CSMD3: variants seen among roughly 807,000 people sequenced by gnomAD.
The protein encoded by CSMD3 is CUB and sushi domain-containing protein 3.
Under a neutral mutation model 435.2 loss-of-function variants are expected in CSMD3, and 177 were observed. That is an observed-to-expected ratio of 0.41 (90% confidence interval 0.36 to 0.46). The LOEUF is 0.46. Ranked by LOEUF, CSMD3 falls within the 20% of genes least tolerant of loss-of-function variation. CSMD3 has a pLI of 0.34. For synonymous variants in CSMD3, 1,656 were observed against 1,520.5 expected (o/e 1.09, Z -2.07); for missense variants, 4,265 against 4,504.6 (o/e 0.95, Z 1.52).
rs76030401 is a variant in CSMD3 at position 112,273,935 on chromosome 8, C to CAA, written c.9508+7237_9508+7238dup. Among the ~76,000 whole-genome samples the CAA allele has an allele frequency of 6.0e-3, 473 of 79,304 alleles. 1 individual carries two copies. The highest frequency in any genetic ancestry group is 8.1e-3 in the African/African-American group (168 of 20,812). 52.0% of individuals were successfully genotyped at this position (79,304 alleles called of 152,430 possible). ...ACAGTTTAGTGGTATAGGTAACATA[C>CAA]AAAAAAAAAAAAAAAGCTATACAGT... On this transcript the variant is annotated intron_variant, in intron 59 of 70. Coordinates refer to ENST00000297405, the MANE Select transcript of CSMD3 (RefSeq NM_198123.2).
chr8:113,009,146 G>A (rs1011118836), intron 6 of CSMD3, among the ~76,000 whole-genome samples: 1 of 151,688 alleles, frequency 6.6e-6, no homozygotes, highest in African/African-American at 2.4e-5. Flanking sequence ...GCTCTGCAAA[G>A]GAGTCTAGAA....
intron 27 of CSMD3, among the ~76,000 whole-genome samples, chr8:112,548,078 T>C (rs1827344269): frequency 6.6e-6 from 1 of 152,280 alleles, no homozygotes; most frequent in East Asian, 1.9e-4. Flanking sequence ...TTCTCTTTAA[T>C]ACCACTTGTA....
intron 1 of CSMD3, among the ~76,000 whole-genome samples, chr8:113,360,206 T>C (rs1019272448): frequency 2.6e-5 from 4 of 152,282 alleles, no homozygotes; most frequent in Admixed American, 2.0e-4. Context: ...TCAAAACTCA[T>C]AGAGGCAGTC....
intron 61 of CSMD3, among the ~76,000 whole-genome samples, chr8:112,258,610 T>C (rs1816041088): frequency 6.6e-6 from 1 of 152,128 alleles, no homozygotes; most frequent in Non-Finnish European, 1.5e-5. Context: ...TGGTGATCAT[T>C]AAAAAGTCAG....
chr8:112,509,499 T>G (rs1822875802), intron 28 of CSMD3, among the ~76,000 whole-genome samples: 1 of 152,190 alleles, frequency 6.6e-6, no homozygotes, highest in Admixed American at 6.5e-5. Flanking sequence ...TAGCTTATAC[T>G]TAAGTGACTT....
At chr8:112,891,201 A>T (rs2081778365) in intron 10 of CSMD3, among the ~76,000 whole-genome samples, 1 of 151,518 alleles carries the variant, frequency 6.6e-6, no homozygotes, top group Admixed American at 6.6e-5. Flanking sequence ...CAGTTGTCGC[A>T]TCACCTGGAA....
intron 5 of CSMD3, among the ~76,000 whole-genome samples, chr8:113,020,169 C>CAAAAAAAAA (rs1163891165): frequency 1.2e-5 from 1 of 84,636 alleles, no homozygotes; most frequent in Non-Finnish European, 2.3e-5. Flanking sequence ...GACTCCGTCT[C>CAAAAAAAAA]AAAAAAAAAA....
chr8:112,870,408 A>G (rs1421090186), intron 10 of CSMD3, among the ~76,000 whole-genome samples: 2 of 151,410 alleles, frequency 1.3e-5, no homozygotes, highest in Non-Finnish European at 2.9e-5. Context: ...AGCTGGGACT[A>G]CAGGTGCCTG....
intron 25 of CSMD3, among the ~76,000 whole-genome samples, chr8:112,553,346 A>C (rs2131206433): frequency 6.6e-6 from 1 of 152,136 alleles, no homozygotes; most frequent in African/African-American, 2.4e-5. Flanking sequence ...ATATAATTAA[A>C]ATTTTATATT....
chr8:113,151,587 C>T (rs138852875), intron 4 of CSMD3, among the ~76,000 whole-genome samples: 223 of 151,814 alleles, frequency 1.5e-3, no homozygotes, highest in African/African-American at 5.3e-3. Flanking sequence ...TAGCAAGAGA[C>T]AACATATTTG....
intron 3 of CSMD3, among the ~76,000 whole-genome samples, chr8:113,240,017 C>G (rs1391077456): frequency 6.6e-6 from 1 of 152,046 alleles, no homozygotes; most frequent in Non-Finnish European, 1.5e-5. Flanking sequence ...CCCTCCACCC[C>G]CGATAGGCCC....
chr8:112,356,323 C>A (rs1826593644), intron 38 of CSMD3, among the ~76,000 whole-genome samples: 2 of 152,026 alleles, frequency 1.3e-5, no homozygotes, highest in African/African-American at 2.4e-5. Flanking sequence ...TAATATGCAG[C>A]CATAAAAATA....
At chr8:113,419,632 A>G (rs1431983425) in intron 1 of CSMD3, among the ~76,000 whole-genome samples, 1 of 152,168 alleles carries the variant, frequency 6.6e-6, no homozygotes. Context: ...CTTGGGAAGC[A>G]CCAGTACACT....
intron 30 of CSMD3, among the ~76,000 whole-genome samples, chr8:112,494,346 C>A (rs1215843262): frequency 1.3e-5 from 2 of 149,128 alleles, no homozygotes; most frequent in South Asian, 2.1e-4. Flanking sequence ...TTTGTTCTTT[C>A]GTTCTTTCTT....
At chr8:112,274,103 T>C (rs1294858358) in intron 59 of CSMD3, among the ~76,000 whole-genome samples, 1 of 151,950 alleles carries the variant, frequency 6.6e-6, no homozygotes, top group Non-Finnish European at 1.5e-5. Flanking sequence ...TTGTTCACTA[T>C]TGCAAAAATG....
At chr8:112,433,742 A>T (rs1488765292) in intron 32 of CSMD3, among the ~76,000 whole-genome samples, 1 of 151,994 alleles carries the variant, frequency 6.6e-6, no homozygotes, top group African/African-American at 2.4e-5. Flanking sequence ...AAATAATCAT[A>T]ACTGTTTGCT....
At chr8:113,075,474 A>G (rs968961334) in intron 5 of CSMD3, among the ~76,000 whole-genome samples, 1 of 151,844 alleles carries the variant, frequency 6.6e-6, no homozygotes, top group Non-Finnish European at 1.5e-5. Flanking sequence ...TATACTTTCA[A>G]CATCTGAAAA....
intron 32 of CSMD3, among the ~76,000 whole-genome samples, chr8:112,434,797 A>G (rs1291230168): frequency 2.0e-5 from 3 of 152,174 alleles, no homozygotes; most frequent in Non-Finnish European, 4.4e-5. Flanking sequence ...GGGCTCCCCA[A>G]GTAATAAGCT....
At chr8:113,218,579 TAAAC>T (rs2092932631) in intron 3 of CSMD3, among the ~76,000 whole-genome samples, 1 of 149,326 alleles carries the variant, frequency 6.7e-6, no homozygotes, top group East Asian at 2.0e-4. Context: ...GAAGAAAAAA[TAAAC>T]AGAAAAACAT....
Sources: gnomAD v4.1 joint callset for allele counts (sites outside exome capture counted in the v4.1 genomes callset) on GRCh38, gnomAD v4.1.1 for gene constraint, MANE v1.5 for transcripts, NCBI Gene and HGNC (gene_info 2026-07-23, HGNC 2026-07-21) for gene names.